Variants in TLN2 observed in about 807,000 individuals in gnomAD.
The protein encoded by TLN2 is talin 2.
Under a neutral mutation model 294.7 loss-of-function variants are expected in TLN2, and 118 were observed. The ratio of observed to expected loss-of-function variants is 0.40; its 90% confidence interval spans 0.34 to 0.47. TLN2 has a LOEUF of 0.47. Ranked by LOEUF, TLN2 falls within the 20% of genes least tolerant of loss-of-function variation. The probability of loss-of-function intolerance (pLI) is 0.84; values close to 1 mark genes in which losing one functional copy is unlikely to be tolerated. For synonymous variants in TLN2, 1,431 were observed against 1,304.5 expected (o/e 1.10, Z -2.09); for missense variants, 3,083 against 3,282.2 (o/e 0.94, Z 1.48).
chr15:62,505,148 G>A lies in TLN2; in HGVS notation c.-237-84539G>A, dbSNP rs184961557. 5.7e-3 allele frequency among the ~76,000 whole-genome samples: 865 copies of A among 152,042 alleles called. 7 individuals carry two copies. Among genetic ancestry groups the A allele is most frequent in the African/African-American group, 0.019 (769 of 41,460 alleles). ...ATTTTTTTGTATTTTTAGTAGAGAC[G>A]GGGTTTCACCATGTTGGCCAGGCCA... On this transcript the variant is annotated intron_variant, in intron 1 of 58. Coordinates refer to ENST00000636159, the MANE Select transcript of TLN2 (RefSeq NM_015059.3).
chr15:62,454,830 CTTT>C (rs1406794746), intron 1 of TLN2, among the ~76,000 whole-genome samples: 1 of 152,140 alleles, frequency 6.6e-6, no homozygotes, highest in African/African-American at 2.4e-5. Context: ...GGACTGAACT[CTTT>C]CGGATGGCTT....
At chr15:62,425,133 A>C (rs1453780762) in intron 1 of TLN2, among the ~76,000 whole-genome samples, 5 of 151,478 alleles carry the variant, frequency 3.3e-5, no homozygotes, top group African/African-American at 1.2e-4. Context: ...TTGTATTTTT[A>C]GTAGAGGCGG....
At chr15:62,664,877 A>AAAAAAAAAAAAAAAAAAAAAAC (rs1232980836) in intron 9 of TLN2, among the ~76,000 whole-genome samples, 1 of 150,148 alleles carries the variant, frequency 6.7e-6, no homozygotes, top group African/African-American at 2.4e-5. Flanking sequence ...AAAAAAAAAA[A>AAAAAAAAAAAAAAAAAAAAAAC]AGTGGCTACC....
chr15:62,405,791 G>C (rs752303960), intron 1 of TLN2, among the ~76,000 whole-genome samples: 1 of 152,190 alleles, frequency 6.6e-6, no homozygotes, highest in South Asian at 2.1e-4. Context: ...GCTGCGCAGG[G>C]ATGGATTTTA....
chr15:62,655,387 C>G (rs1325184909), intron 7 of TLN2, among the ~76,000 whole-genome samples: 1 of 152,030 alleles, frequency 6.6e-6, no homozygotes, highest in Non-Finnish European at 1.5e-5. Flanking sequence ...TTAAGCTGGC[C>G]CATGGCACGG....
chr15:62,758,390 T>C (rs1168739954), intron 37 of TLN2, among the ~76,000 whole-genome samples: 5 of 152,238 alleles, frequency 3.3e-5, no homozygotes, highest in East Asian at 1.9e-4. Context: ...AGTCACCACA[T>C]ACGCTGTTGC....
At chr15:62,756,355 T>C (rs1046627029) in intron 37 of TLN2, among the ~76,000 whole-genome samples, 3 of 152,140 alleles carry the variant, frequency 2.0e-5, no homozygotes, top group African/African-American at 7.2e-5. Flanking sequence ...GCCTTAGTAC[T>C]TGTAGGTGGG....
In TLN2 at chr15:62,833,747, C is replaced by T. The variant is rs937253957; in HGVS notation, c.7128+118C>T. ...GGAAACACATGCAGTGCCTTCCCTC[C>T]CTGAATTGCCACTCTCTGTGCTGAC... On this transcript the variant is annotated intron_variant, in intron 55 of 58. Coordinates refer to ENST00000636159, the MANE Select transcript of TLN2 (RefSeq NM_015059.3). 6.5e-6 allele frequency: 9 copies of T among 1,390,018 alleles called. No homozygotes were observed. The East Asian group carries it at 7.4e-5, about 11-fold the overall frequency. The allele number at this position is 1,390,018 out of a possible 1,614,324, so 86.1% of individuals were successfully genotyped here.
intron 1 of TLN2, among the ~76,000 whole-genome samples, chr15:62,446,845 A>T (rs1404983969): frequency 6.6e-6 from 1 of 152,330 alleles, no homozygotes; most frequent in Non-Finnish European, 1.5e-5. Context: ...TAATATGTAA[A>T]TACACACAGA....
intron 15 of TLN2, 72 bp downstream of exon 15, chr15:62,697,940 G>A (rs182000218): frequency 1.1e-4 from 173 of 1,535,260 alleles, no homozygotes; most frequent in African/African-American, 8.7e-4. Flanking sequence ...CACCAGCGGC[G>A]GTGATGGGCT....
intron 45 of TLN2, among the ~76,000 whole-genome samples, chr15:62,789,065 TTCTTCC>T (rs2141106872): frequency 6.6e-6 from 1 of 152,308 alleles, no homozygotes; most frequent in South Asian, 2.1e-4. Flanking sequence ...TGAGATCCCA[TTCTTCC>T]TCTTAAATTC....
intron 9 of TLN2, among the ~76,000 whole-genome samples, chr15:62,670,898 C>A (rs547626022): frequency 2.0e-5 from 3 of 152,320 alleles, no homozygotes; most frequent in African/African-American, 7.2e-5. Flanking sequence ...TACATTCCCG[C>A]CAGCAGTGTA....
chr15:62,589,550 A>C (rs80288807), intron 1 of TLN2, 137 bp from the exon 2 acceptor site: 1 of 152,174 alleles, frequency 6.6e-6, no homozygotes, highest in Non-Finnish European at 1.5e-5. Context: ...TTCCCAGCCC[A>C]TGTGTTGTGG....
intron 4 of TLN2, among the ~76,000 whole-genome samples, chr15:62,647,886 T>G (rs1219426917): frequency 6.6e-6 from 1 of 152,038 alleles, no homozygotes; most frequent in African/African-American, 2.4e-5. Context: ...ATAAATTTTA[T>G]CTCAAACCTT....
intron 1 of TLN2, among the ~76,000 whole-genome samples, chr15:62,535,224 G>C (rs1351569537): frequency 6.6e-6 from 1 of 152,162 alleles, no homozygotes; most frequent in Non-Finnish European, 1.5e-5. Flanking sequence ...GGCTGCCCAT[G>C]GGAGTCATCT....
chr15:62,685,582 T>G (rs1253808949), intron 11 of TLN2, among the ~76,000 whole-genome samples: 1 of 152,236 alleles, frequency 6.6e-6, no homozygotes, highest in East Asian at 1.9e-4. Flanking sequence ...CTTTGCTATC[T>G]TAAGCTTTCA....
intron 1 of TLN2, among the ~76,000 whole-genome samples, chr15:62,511,494 C>G (rs933179136): frequency 6.6e-6 from 1 of 152,140 alleles, no homozygotes; most frequent in African/African-American, 2.4e-5. Flanking sequence ...TGCTACTTTT[C>G]TTCGCAAATG....
At chr15:62,660,602 G>C in intron 9 of TLN2, among the ~76,000 whole-genome samples, 1 of 152,194 alleles carries the variant, frequency 6.6e-6, no homozygotes, top group East Asian at 1.9e-4. Flanking sequence ...TAGTAATCAG[G>C]TATTTGCTTT....
At chr15:62,789,148 C>A (rs1340189011) in intron 45 of TLN2, among the ~76,000 whole-genome samples, 3 of 152,194 alleles carry the variant, frequency 2.0e-5, no homozygotes, top group African/African-American at 7.2e-5. Flanking sequence ...AACCCTGCAT[C>A]CCTTCCGTGT....
Sources: gnomAD v4.1 joint callset for allele counts (sites outside exome capture counted in the v4.1 genomes callset) on GRCh38, gnomAD v4.1.1 for gene constraint, MANE v1.5 for transcripts, NCBI Gene and HGNC (gene_info 2026-07-23, HGNC 2026-07-21) for gene names.